The following OTOG variants were observed in gnomAD, a reference collection of about 807,000 sequenced individuals.
The protein encoded by OTOG is otogelin.
In OTOG, 296 loss-of-function variants were observed where a neutral mutation model predicts 313.8. The observed-to-expected ratio is 0.94, with a 90% CI of 0.86 to 1.04. OTOG has a LOEUF of 1.04. Ranked by LOEUF, OTOG falls within the 50% of genes least tolerant of loss-of-function variation. The probability of loss-of-function intolerance (pLI) is 0.00; values close to 1 mark genes in which losing one functional copy is unlikely to be tolerated. For missense variants in OTOG, 3,948 were observed against 3,840.1 expected (o/e 1.03, Z -0.74); for synonymous variants, 1,533 against 1,554.9 (o/e 0.99, Z 0.33).
At chr11:17,592,284 A>G (rs1852964969) in intron 25 of OTOG, among the ~76,000 whole-genome samples, 1 of 152,154 alleles carries the variant, frequency 6.6e-6, no homozygotes, top group South Asian at 2.1e-4. Context: ...TAAAAATAAC[A>G]TGTAATAATA....
intron 23 of OTOG, among the ~76,000 whole-genome samples, chr11:17,584,807 T>G (rs1852755942): frequency 6.6e-6 from 1 of 152,268 alleles, no homozygotes; most frequent in South Asian, 2.1e-4. Context: ...ATTATAAACA[T>G]GAGCCACCGC....
chr11:17,640,622 G>A (rs1847947910), intron 49 of OTOG, 123 bp from the exon 50 acceptor site: 2 of 1,078,896 alleles, frequency 1.9e-6, no homozygotes, highest in South Asian at 3.2e-5. Flanking sequence ...CCCCAGGCCT[G>A]CCAGCCCCCC....
Position 17,610,140 on chromosome 11 carries a change from C to G in OTOG, c.4840C>G (p.Pro1614Ala), listed in dbSNP as rs1036844378. ...CCGGTCGCCCCCTGCCCCTCGCTTCCCGCTCATGACCAAGGCTGTGACAGT... is the reference window on the plus strand; with the variant it reads ...CCGGTCGCCCCCTGCCCCTCGCTTCGCGCTCATGACCAAGGCTGTGACAGT... ...SSRSPPAPRF[P>A]LMTKAVTVRG... Residue 1614 changes from proline to alanine, a missense_variant, in exon 36 of 56, where the codon CCG becomes GCG. Physicochemically the swap from Pro to Ala is conservative, Grantham distance 27. Coordinates refer to ENST00000399397, the MANE Select transcript of OTOG (RefSeq NM_001292063.2). The G allele has an allele frequency of 9.7e-6, 15 of 1,550,548 alleles. No homozygotes were observed. Among genetic ancestry groups the G allele is most frequent in the African/African-American group, 1.4e-5 (1 of 73,026 alleles).
chr11:17,639,625 G>T (rs2133717414), intron 49 of OTOG, among the ~76,000 whole-genome samples, 162 bp downstream of exon 49: 1 of 152,300 alleles, frequency 6.6e-6, no homozygotes, highest in Middle Eastern at 3.4e-3. Context: ...TCTGGGTATG[G>T]TGCCCTCCTT....
At chr11:17,634,989 G>A (rs1433738703) in intron 45 of OTOG, 41 bp downstream of exon 45, 28 of 1,534,774 alleles carry the variant, frequency 1.8e-5, no homozygotes, top group Non-Finnish European at 2.5e-5. Flanking sequence ...ACGGACTGAG[G>A]GCAGTGGGGG....
intron 40 of OTOG, among the ~76,000 whole-genome samples, chr11:17,631,176 C>T (rs779461061): frequency 2.0e-5 from 3 of 152,142 alleles, no homozygotes; most frequent in Non-Finnish European, 2.9e-5. Flanking sequence ...ACACTGACTG[C>T]CCAGGAAAAA....
Position 17,593,620 on chromosome 11 carries a change from G to A in OTOG, c.3152G>A (p.Ser1051Asn). ...TCTCTGTCCCTCTAGAGTCCAGAGA[G>A]CTTCCTGGATGACAAGCAGGAGGTC... ...DDDSGNPSPE[S>N]FLDDKQEVHT... Residue 1051 changes from serine (S) to asparagine (N), a missense_variant, in exon 27 of 56, where the codon AGC (serine) becomes AAC (asparagine). Ser to Asn is a conservative substitution (Grantham distance 46, BLOSUM62 1). Transcript: ENST00000399397. The A allele has an allele frequency of 6.5e-7, 1 of 1,548,976 alleles. No homozygotes were observed. The highest frequency in any genetic ancestry group is 8.7e-7 in the Non-Finnish European group (1 of 1,146,982).
In OTOG at chr11:17,547,970, G is replaced by A; in HGVS notation, c.138G>A (p.Glu46=). 1 of 574,260 alleles carries A rather than the reference G, an allele frequency of 1.7e-6. No individual in the cohort carries two copies. The highest frequency in any genetic ancestry group is 2.9e-6 in the Non-Finnish European group (1 of 347,274). The allele number at this position is 574,260 out of a possible 1,614,324, so 35.6% of individuals were successfully genotyped here. The change falls in exon 2 of 56, where the codon GAG becomes GAA. Residue 46 remains glutamate (E), a synonymous_variant. Coordinates refer to ENST00000399397, the MANE Select transcript of OTOG (RefSeq NM_001292063.2). ...GGGGCAGTGCAGAGCCACAGCCAGAGCCAGCCGGGCAACCCAGGTGAGTAG... is the reference window on the plus strand; with the variant it reads ...GGGGCAGTGCAGAGCCACAGCCAGAACCAGCCGGGCAACCCAGGTGAGTAG... ...VLWGSAEPQP[E]PAGQPSSSHQ... is the part of the protein sequence containing the mutation.
At chr11:17,605,045 C>G (rs1320568825) in intron 32 of OTOG, among the ~76,000 whole-genome samples, 1 of 152,240 alleles carries the variant, frequency 6.6e-6, no homozygotes, top group Admixed American at 6.5e-5. Context: ...TTCACACACA[C>G]CTCGTTGATG....
chr11:17,602,162 G>T (rs1298629064), intron 31 of OTOG, 48 bp from the exon 32 acceptor site: 2 of 1,543,518 alleles, frequency 1.3e-6, no homozygotes, highest in Admixed American at 3.9e-5. Context: ...GGTATGGGAG[G>T]TGGGCAGGCC....
In OTOG at chr11:17,570,241, C is replaced by T. The variant is rs536715287; in HGVS notation, c.1806C>T (p.Ser602=). 7.0e-5 allele frequency: 108 copies of T among 1,550,826 alleles called. No homozygotes were observed. The African/African-American group carries it at 1.2e-3, about 17-fold the overall frequency. ...DDAFEIRRLS[S]VFLRVRTNVG... is the part of the protein sequence containing the mutation. ...CCTTTGAGATCCGTAGGCTGTCCTC[C>T]GTGTTCCTGCGGGTGAGGACGAACG... The change falls in exon 17 of 56, where the codon TCC becomes TCT. Residue 602 remains serine (S), a synonymous_variant. Coordinates refer to ENST00000399397, the MANE Select transcript of OTOG (RefSeq NM_001292063.2).
At chr11:17,602,479 A>G in intron 32 of OTOG, 102 bp downstream of exon 32, 1 of 1,324,124 alleles carries the variant, frequency 7.6e-7, no homozygotes, top group African/African-American at 1.5e-5. Flanking sequence ...GGCCGGAGAA[A>G]TAGGGGCTCC....
chr11:17,580,679 A>C (rs1288852159), intron 23 of OTOG, among the ~76,000 whole-genome samples: 1 of 152,214 alleles, frequency 6.6e-6, no homozygotes, highest in Non-Finnish European at 1.5e-5. Flanking sequence ...GAAGGAAGGC[A>C]GTGAGCCAGC....
intron 42 of OTOG, among the ~76,000 whole-genome samples, chr11:17,632,476 G>C (rs1415440204): frequency 6.6e-6 from 1 of 151,958 alleles, no homozygotes; most frequent in African/African-American, 2.4e-5. Flanking sequence ...TTAACACATA[G>C]TAATTGTATT....
At chr11:17,602,976 A>T (rs1853292399) in intron 32 of OTOG, among the ~76,000 whole-genome samples, 1 of 152,236 alleles carries the variant, frequency 6.6e-6, no homozygotes, top group Non-Finnish European at 1.5e-5. Context: ...ATGTTCCCCT[A>T]AGAGTAAGAA....
Position 17,593,311 on chromosome 11 carries a change from A to G in OTOG, c.3125A>G (p.Asp1042Gly). 6.4e-7 allele frequency: 1 copy of G among 1,550,604 alleles called. No individual in the cohort carries two copies. Among genetic ancestry groups the G allele is most frequent in the Non-Finnish European group, 8.7e-7 (1 of 1,146,994 alleles). ...GGGAACTCACTCATTGTCTTTGATG[A>G]TGACTCCGGAAATCCTGTAAGGCTC... ...NVGNSLIVFD[D>G]DSGNPSPESF... Residue 1042 changes from aspartate (D) to glycine (G), a missense_variant, in exon 26 of 56, where the codon GAT (aspartate) becomes GGT (glycine). Physicochemically the swap from Asp to Gly is moderately conservative, Grantham distance 94. Transcript: ENST00000399397.
intron 24 of OTOG, among the ~76,000 whole-genome samples, chr11:17,589,929 G>A (rs569142350): frequency 6.6e-6 from 1 of 152,194 alleles, no homozygotes; most frequent in South Asian, 2.1e-4. Flanking sequence ...CATTCATGTG[G>A]CTTTTGGGAC....
intron 23 of OTOG, among the ~76,000 whole-genome samples, chr11:17,581,623 T>C (rs893991598): frequency 6.6e-6 from 1 of 152,224 alleles, no homozygotes; most frequent in African/African-American, 2.4e-5. Flanking sequence ...TAGGAAGTGT[T>C]GCGTAATTTA....
rs1302663778 is a variant in OTOG, at chr11:17,553,142, G to A, written c.316G>A (p.Gly106Ser). Residue 106 changes from glycine to serine, a missense_variant, in exon 5 of 56, where the codon GGC (glycine) becomes AGC (serine). Transcript: ENST00000399397. ...PSYLFSCFNG[G>S]ECVHPAFCDC... ...AGACTTGTTCTCCTGCTTCAATGGA[G>A]GCGAGTGTGTGCACCCAGCCTTCTG... The A allele has an allele frequency of 6.4e-7, 1 of 1,550,578 alleles. No individual in the cohort carries two copies. Among genetic ancestry groups the A allele is most frequent in the Non-Finnish European group, 8.7e-7 (1 of 1,146,992 alleles).
Sources: gnomAD v4.1 joint callset for allele counts (sites outside exome capture counted in the v4.1 genomes callset) on GRCh38, gnomAD v4.1.1 for gene constraint, MANE v1.5 for transcripts, NCBI Gene and HGNC (gene_info 2026-07-23, HGNC 2026-07-21) for gene names.